Variants in ZNF177 observed in about 807,000 individuals in gnomAD.
ZNF177 encodes the protein zinc finger protein 177.
In ZNF177, 17 loss-of-function variants were observed where a neutral mutation model predicts 19.4. The ratio of observed to expected loss-of-function variants is 0.87; its 90% CI spans 0.60 to 1.31. ZNF177 has a LOEUF of 1.31. Among genes scored for constraint, ZNF177 ranks in the 40% most tolerant of loss-of-function variants. ZNF177 has a pLI of 0.00. For synonymous variants in ZNF177, 220 were observed against 188.7 expected (o/e 1.17, Z -1.36); for missense variants, 633 against 561.8 (o/e 1.13, Z -1.28).
At chr19:9,381,728 A>G in exon 6 of ZNF177, 1 of 1,612,378 alleles carries the variant, frequency 6.2e-7, no homozygotes, top group East Asian at 2.2e-5. Context: ...ACAAGCACTA[A>G]CCTTATAATG....
chr19:9,379,525 A>G lies in ZNF177; in HGVS notation c.161-2A>G. ...CCACATCCTTGCTTTCTGCGTGAGC[A>G]GGGTATCAGCTCTGCAGACACAGTC... On this transcript the variant is annotated splice_acceptor_variant, in intron 3 of 5. Coordinates refer to ENST00000589262, the Ensembl canonical transcript of ZNF177. LOFTEE classifies it high-confidence loss of function. 1 of 1,612,358 alleles carries G rather than the reference A, an allele frequency of 6.2e-7. No homozygotes were observed. Among genetic ancestry groups the G allele is most frequent in the Non-Finnish European group, 8.5e-7 (1 of 1,179,450 alleles).
Position 9,381,289 on chromosome 19 carries a change from T to TC in ZNF177, c.960dup (p.Phe321LeufsTer2). ...TTATGAGTGTGATCACTGTGGAAAA[T>TC]CCTTTAGCCAGAGCTCTCATCTGAA... On this transcript the variant is annotated frameshift_variant, in exon 6 of 6. Coordinates refer to ENST00000589262, the Ensembl canonical transcript of ZNF177. LOFTEE classifies it low-confidence loss of function (END_TRUNC). 1.2e-6 allele frequency: 2 copies of TC among 1,613,270 alleles called. No homozygotes were observed. The highest frequency in any genetic ancestry group is 1.7e-6 in the Non-Finnish European group (2 of 1,179,838).
chr19:9,374,923 A>G (rs2068091288), upstream of ZNF177, among the ~76,000 whole-genome samples: 1 of 152,130 alleles, frequency 6.6e-6, no homozygotes, highest in Non-Finnish European at 1.5e-5. Context: ...CCTTGTTCCC[A>G]ATCTTAGAGG....
chr19:9,379,669 C>A, intron 4 of ZNF177, 50 bp downstream of exon 6: 1 of 1,586,756 alleles, frequency 6.3e-7, no homozygotes, highest in Non-Finnish European at 8.6e-7. Flanking sequence ...AGGGTTAGTA[C>A]ATTTGGGAAT....
At chr19:9,369,957 A>G (rs573182989) in intron 2 of ZNF177, among the ~76,000 whole-genome samples, 1 of 152,254 alleles carries the variant, frequency 6.6e-6, no homozygotes, top group Non-Finnish European at 1.5e-5. Context: ...ACCATTTTAT[A>G]TAATAAAGGT....
chr19:9,378,447 T>C (rs2068142650), intron 2 of ZNF177, 103 bp downstream of exon 4: 1 of 1,540,570 alleles, frequency 6.5e-7, no homozygotes, highest in South Asian at 1.2e-5. Flanking sequence ...CTGAGCTGGC[T>C]TCATCTTCCG....
At chr19:9,378,441 G>A (rs2122549112) in intron 2 of ZNF177, 97 bp downstream of exon 4, 2 of 1,564,088 alleles carry the variant, frequency 1.3e-6, no homozygotes, top group South Asian at 2.3e-5. Flanking sequence ...CCCAATCTGA[G>A]CTGGCTTCAT....
intron 2 of ZNF177, among the ~76,000 whole-genome samples, chr19:9,370,419 G>GT (rs61588085): frequency 0.063 from 8,782 of 139,058 alleles, 609 homozygotes; most frequent in African/African-American, 0.18. Context: ...TTTTTTTTTT[G>GT]TTTTTTTTTT....
At chr19:9,379,940 T>C in intron 4 of ZNF177, 117 bp from the exon 7 acceptor site, 1 of 1,227,014 alleles carries the variant, frequency 8.1e-7, no homozygotes, top group Non-Finnish European at 1.1e-6. Flanking sequence ...GTCTTCTTTC[T>C]TACATTTCTC....
At chr19:9,366,230 C>G (rs2067977802) in intron 2 of ZNF177, among the ~76,000 whole-genome samples, 1 of 152,126 alleles carries the variant, frequency 6.6e-6, no homozygotes, top group South Asian at 2.1e-4. Flanking sequence ...ATGCGCCCAC[C>G]TTGGCTTCCC....
intron 2 of ZNF177, 58 bp downstream of exon 4, chr19:9,378,402 T>A: frequency 6.2e-7 from 1 of 1,608,234 alleles, no homozygotes; most frequent in Non-Finnish European, 8.5e-7. Flanking sequence ...AAAGAACACA[T>A]CTCTTGCCCC....
At chr19:9,368,670 T>C (rs529608315) in intron 2 of ZNF177, among the ~76,000 whole-genome samples, 1 of 152,246 alleles carries the variant, frequency 6.6e-6, no homozygotes, top group Non-Finnish European at 1.5e-5. Context: ...TTTAGCTACA[T>C]TCTACAAGTT....
chr19:9,373,567 C>T (rs903654491), upstream of ZNF177, among the ~76,000 whole-genome samples: 8 of 152,152 alleles, frequency 5.3e-5, no homozygotes, highest in Non-Finnish European at 8.8e-5. Context: ...CTTCTAACAA[C>T]GATGTATAAG....
chr19:9,367,850 G>A (rs2122493646), intron 2 of ZNF177, among the ~76,000 whole-genome samples: 1 of 152,244 alleles, frequency 6.6e-6, no homozygotes, highest in African/African-American at 2.4e-5. Context: ...CAATTCTGGG[G>A]TTTGCATAAA....
chr19:9,375,983 T>C (rs989555187), upstream of ZNF177, among the ~76,000 whole-genome samples: 5 of 152,232 alleles, frequency 3.3e-5, no homozygotes, highest in African/African-American at 1.2e-4. Flanking sequence ...CTCTCTTTGG[T>C]TTCCATTTAC....
At chr19:9,372,540 CTTTTTTTTT>C (rs61321271), upstream of ZNF177, among the ~76,000 whole-genome samples, 5 of 84,576 alleles carry the variant, frequency 5.9e-5, no homozygotes, top group African/African-American at 1.3e-4. Context: ...CTTTCTTTTC[CTTTTTTTTT>C]TTTTTTTTTT....
upstream of ZNF177, among the ~76,000 whole-genome samples, chr19:9,372,342 C>T (rs561133926): frequency 6.6e-6 from 1 of 152,216 alleles, no homozygotes; most frequent in South Asian, 2.1e-4. Context: ...GGTACAGTTC[C>T]TTGCTTCACG....
chr19:9,368,759 G>A (rs1383568958), intron 2 of ZNF177, among the ~76,000 whole-genome samples: 7 of 151,970 alleles, frequency 4.6e-5, no homozygotes, highest in African/African-American at 1.7e-4. Context: ...TAAGTTATTT[G>A]GAAGTGTGAT....
At chr19:9,382,481 A>T (rs1443819812), downstream of ZNF177, 1 of 398,452 alleles carries the variant, frequency 2.5e-6, no homozygotes, top group Non-Finnish European at 4.4e-6. Context: ...TGTGCTGCTT[A>T]TCTCTGGATT....
Sources: gnomAD v4.1 joint callset for allele counts (sites outside exome capture counted in the v4.1 genomes callset) on GRCh38, gnomAD v4.1.1 for gene constraint, MANE v1.5 for transcripts, NCBI Gene and HGNC (gene_info 2026-07-23, HGNC 2026-07-21) for gene names.